Variants in IL1RAPL1 observed in about 807,000 individuals in gnomAD.
The protein encoded by IL1RAPL1 is interleukin 1 receptor accessory protein like 1.
IL1RAPL1 carries 3 observed loss-of-function variants against 48.4 expected under a neutral mutation model. The ratio of observed to expected loss-of-function variants is 0.06; its 90% CI spans 0.03 to 0.16. The LOEUF (loss-of-function observed/expected upper bound fraction) is 0.16. Among genes scored for constraint, IL1RAPL1 ranks in the 10% least tolerant of loss-of-function variants. The pLI is 1.00. For synonymous variants in IL1RAPL1, 185 were observed against 187.7 expected (o/e 0.99, Z 0.12); for missense variants, 349 against 530.6 (o/e 0.66, Z 3.36).
intron 2 of IL1RAPL1, among the ~76,000 whole-genome samples, chrX:28,845,140 C>T (rs1317217378): frequency 1.3e-4 from 14 of 111,406 alleles, no homozygotes; most frequent in African/African-American, 4.6e-4. Flanking sequence ...ATTATAAGTG[C>T]ATTACAAAAG....
intron 1 of IL1RAPL1, among the ~76,000 whole-genome samples, chrX:28,656,938 A>G (rs2146906736): frequency 9.4e-6 from 1 of 106,812 alleles, no homozygotes; most frequent in South Asian, 4.4e-4. Context: ...AGGCAGGAGA[A>G]TGGCATGAAC....
At chrX:28,722,809 T>C (rs1935603813) in intron 1 of IL1RAPL1, among the ~76,000 whole-genome samples, 1 of 111,841 alleles carries the variant, frequency 8.9e-6, no homozygotes, top group African/African-American at 3.2e-5. Flanking sequence ...TGAAGGGCTG[T>C]TGAATTTTGT....
chrX:28,688,740 G>A (rs935892479), intron 1 of IL1RAPL1, among the ~76,000 whole-genome samples: 2 of 111,097 alleles, frequency 1.8e-5, no homozygotes, highest in Non-Finnish European at 3.8e-5. Context: ...TGCTTATTTG[G>A]TTCGTGCATG....
At chrX:29,539,398 A>G (rs1198461835) in intron 5 of IL1RAPL1, among the ~76,000 whole-genome samples, 2 of 111,664 alleles carry the variant, frequency 1.8e-5, no homozygotes, top group Non-Finnish European at 3.8e-5. Context: ...CTAGACATTG[A>G]AGGAACATAC....
At chrX:29,076,713 A>G (rs1265660624) in intron 2 of IL1RAPL1, among the ~76,000 whole-genome samples, 2 of 110,933 alleles carry the variant, frequency 1.8e-5, no homozygotes, top group East Asian at 5.7e-4. Context: ...AAATACGAAA[A>G]TACTTACCAT....
intron 9 of IL1RAPL1, among the ~76,000 whole-genome samples, chrX:29,952,670 T>C (rs1933342623): frequency 9.7e-6 from 1 of 103,285 alleles, no homozygotes; most frequent in African/African-American, 3.6e-5. Flanking sequence ...ATATAGCTTT[T>C]CTATAGCAAA....
At chrX:29,543,115 T>TTCTCTC (rs59836290) in intron 5 of IL1RAPL1, among the ~76,000 whole-genome samples, 7,302 of 91,543 alleles carry the variant, frequency 0.08, 311 homozygotes, top group South Asian at 0.19. Context: ...ATCTGTTCGT[T>TTCTCTC]TCTCTCTCTC....
At chrX:28,620,111 A>G (rs921273062) in intron 1 of IL1RAPL1, among the ~76,000 whole-genome samples, 2 of 110,392 alleles carry the variant, frequency 1.8e-5, no homozygotes, top group Non-Finnish European at 3.8e-5. Flanking sequence ...TTAACCCAGG[A>G]TTTTGTAGAC....
At chrX:29,069,669 A>ACACACACACACACC (rs1491196944) in intron 2 of IL1RAPL1, among the ~76,000 whole-genome samples, 6 of 101,481 alleles carry the variant, frequency 5.9e-5, no homozygotes, top group Non-Finnish European at 6.0e-5. Context: ...ACACACACAC[A>ACACACACACACACC]CCCCTCCCCT....
intron 1 of IL1RAPL1, among the ~76,000 whole-genome samples, chrX:28,618,646 C>A (rs1035313366): frequency 8.9e-6 from 1 of 111,807 alleles, no homozygotes; most frequent in African/African-American, 3.3e-5. Context: ...TAATTTTCAG[C>A]ATTTTTTTCA....
chrX:29,529,597 C>G (rs1310605939), intron 5 of IL1RAPL1, among the ~76,000 whole-genome samples: 1 of 53,793 alleles, frequency 1.9e-5, no homozygotes, highest in Non-Finnish European at 3.4e-5. Context: ...GTGCCTCTGT[C>G]TCAAAAAAAA....
At chrX:29,690,894 T>C (rs1926752541) in intron 6 of IL1RAPL1, among the ~76,000 whole-genome samples, 1 of 111,820 alleles carries the variant, frequency 8.9e-6, no homozygotes, top group Non-Finnish European at 1.9e-5. Flanking sequence ...TTCACATTAT[T>C]CTCCTTCTAT....
intron 5 of IL1RAPL1, among the ~76,000 whole-genome samples, chrX:29,405,323 C>T (rs1258070921): frequency 9.2e-6 from 1 of 108,569 alleles, no homozygotes; most frequent in East Asian, 2.8e-4. Context: ...TGATACTTAT[C>T]TCTGTGCCTG....
chrX:29,211,133 G>GAA (rs1292106318), intron 2 of IL1RAPL1, among the ~76,000 whole-genome samples: 1 of 110,956 alleles, frequency 9.0e-6, no homozygotes, highest in Admixed American at 9.6e-5. Flanking sequence ...GAGAGAGAGA[G>GAA]AGAGAGAGAA....
intron 9 of IL1RAPL1, among the ~76,000 whole-genome samples, chrX:29,949,089 T>C (rs1482510105): frequency 8.9e-6 from 1 of 112,033 alleles, no homozygotes; most frequent in Non-Finnish European, 1.9e-5. Flanking sequence ...GCTTCCTCAG[T>C]CATTTTAAAG....
chrX:29,689,223 G>C (rs907212700), intron 6 of IL1RAPL1, among the ~76,000 whole-genome samples: 2 of 111,534 alleles, frequency 1.8e-5, no homozygotes, highest in East Asian at 5.7e-4. Flanking sequence ...ACACATCGTA[G>C]TATCTAACCA....
Position 29,449,398 on chromosome X carries a change from A to T in IL1RAPL1, c.703+50090A>T, listed in dbSNP as rs918844370. The stretch of plus-strand genomic sequence containing the variant: ...TGAGTGAATGAGAGAGTGAAGAGGC[A>T]GGGAGAGAGAGCATAAGCAATAATA... On this transcript the variant is annotated intron_variant, in intron 5 of 10. Coordinates refer to ENST00000378993, the MANE Select transcript of IL1RAPL1 (RefSeq NM_014271.4). Among the ~76,000 whole-genome samples the T allele has an allele frequency of 7.3e-4, 81 of 111,018 alleles. 1 individual carries two copies. Among genetic ancestry groups the T allele is most frequent in the Non-Finnish European group, 1.0e-3 (55 of 52,969 alleles).
intron 3 of IL1RAPL1, among the ~76,000 whole-genome samples, chrX:29,305,619 G>A (rs1234329310): frequency 9.0e-6 from 1 of 111,712 alleles, no homozygotes; most frequent in Non-Finnish European, 1.9e-5. Flanking sequence ...GGAATAGGAA[G>A]GAAGGATATC....
intron 2 of IL1RAPL1, among the ~76,000 whole-genome samples, chrX:28,969,561 A>G (rs1925004000): frequency 1.8e-5 from 2 of 109,127 alleles, no homozygotes; most frequent in Non-Finnish European, 3.8e-5. Flanking sequence ...TCTTAATCCT[A>G]TCTATTCATG....
Sources: allele counts gnomAD v4.1 joint callset (sites outside exome capture counted in the v4.1 genomes callset), GRCh38; gene constraint gnomAD v4.1.1; transcripts MANE v1.5; gene names NCBI Gene and HGNC (gene_info 2026-07-23, HGNC 2026-07-21).